Variants in HECW1 observed in about 807,000 individuals in gnomAD.
HECW1 encodes HECT, C2 and WW domain containing E3 ubiquitin protein ligase 1.
In HECW1, 61 loss-of-function variants were observed where a neutral mutation model predicts 182.3. The observed-to-expected ratio is 0.33, with a 90% confidence interval of 0.27 to 0.41. The LOEUF is 0.41. HECW1 is among the 10% of genes least tolerant of loss of function. The pLI is 1.00. For synonymous variants in HECW1, 859 were observed against 832.6 expected (o/e 1.03, Z -0.55); for missense variants, 1,739 against 2,108.9 (o/e 0.82, Z 3.44).
chr7:43,113,036 C>G (rs964200286), intron 1 of HECW1, 99 bp downstream of exon 1: 9 of 187,614 alleles, frequency 4.8e-5, no homozygotes, highest in Non-Finnish European at 7.9e-5. Context: ...GCAGCGCCCT[C>G]CCTTCTCGGG....
chr7:43,525,992 A>T (rs1225562011), intron 24 of HECW1, among the ~76,000 whole-genome samples: 1 of 152,238 alleles, frequency 6.6e-6, no homozygotes, highest in Non-Finnish European at 1.5e-5. Context: ...ATCTAAAGAA[A>T]AATATCATCA....
At chr7:43,457,730 A>G (rs1232042720) in intron 13 of HECW1, among the ~76,000 whole-genome samples, 1 of 151,650 alleles carries the variant, frequency 6.6e-6, no homozygotes, top group Non-Finnish European at 1.5e-5. Context: ...AGCTGACATC[A>G]CACCACTGCA....
intron 2 of HECW1, among the ~76,000 whole-genome samples, chr7:43,130,935 T>G (rs1583618282): frequency 6.6e-6 from 1 of 152,220 alleles, no homozygotes; most frequent in East Asian, 1.9e-4. Context: ...TATGCATTGA[T>G]TCTTTAGTGT....
chr7:43,369,132 G>A (rs192948126), intron 6 of HECW1, among the ~76,000 whole-genome samples: 2 of 152,242 alleles, frequency 1.3e-5, no homozygotes, highest in Non-Finnish European at 2.9e-5. Context: ...TTCTGTCACA[G>A]GAAATATAAA....
intron 2 of HECW1, among the ~76,000 whole-genome samples, chr7:43,128,851 A>G (rs1440227889): frequency 6.6e-6 from 1 of 151,950 alleles, no homozygotes; most frequent in Non-Finnish European, 1.5e-5. Context: ...ACCCTCATGG[A>G]TGATTTTGAA....
chr7:43,547,418 G>A (rs539174822), intron 26 of HECW1, among the ~76,000 whole-genome samples: 4 of 152,138 alleles, frequency 2.6e-5, no homozygotes, highest in African/African-American at 4.8e-5. Context: ...GTGGTGGCAC[G>A]TGCCTGTAAT....
rs111603237 is a variant in HECW1, at chr7:43,166,960, C to T, written c.-32+52569C>T. On this transcript the variant is annotated intron_variant, in intron 2 of 29. Transcript: ENST00000395891. The stretch of plus-strand genomic sequence containing the variant: ...GCCCCAGGGGACTTCACCTCTCAGG[C>T]TGTAGGCAGCCACTGAATGACGCAA... Among the ~76,000 whole-genome samples, 264 of 152,334 alleles carry T rather than the reference C, an allele frequency of 1.7e-3. 1 individual carries two copies. Among genetic ancestry groups the T allele is most frequent in the Non-Finnish European group, 3.4e-3 (232 of 68,028 alleles).
intron 24 of HECW1, among the ~76,000 whole-genome samples, chr7:43,537,087 C>A (rs2081204063): frequency 6.6e-6 from 1 of 152,206 alleles, no homozygotes; most frequent in African/African-American, 2.4e-5. Context: ...TGCTACACCC[C>A]AGGAGCAGGG....
At chr7:43,412,600 C>T in intron 8 of HECW1, among the ~76,000 whole-genome samples, 1 of 116,790 alleles carries the variant, frequency 8.6e-6, no homozygotes, top group Non-Finnish European at 1.7e-5. Context: ...CTATCCCTCC[C>T]CCCTCCCCCC....
chr7:43,496,162 C>T (rs527310854), intron 19 of HECW1, among the ~76,000 whole-genome samples: 1 of 149,622 alleles, frequency 6.7e-6, no homozygotes, highest in African/African-American at 2.5e-5. Context: ...TGAAATCAGG[C>T]CACGTTGGAA....
chr7:43,476,601 T>G (rs1350595009), intron 16 of HECW1, among the ~76,000 whole-genome samples: 1 of 152,094 alleles, frequency 6.6e-6, no homozygotes, highest in Non-Finnish European at 1.5e-5. Flanking sequence ...TGTTAATAAT[T>G]GGAATAGTGC....
intron 24 of HECW1, 90 bp downstream of exon 24, chr7:43,509,211 T>C: frequency 1.5e-6 from 2 of 1,310,594 alleles, no homozygotes; most frequent in Non-Finnish European, 2.1e-6. Flanking sequence ...GCCACTGTGT[T>C]TAGAGCAGTG....
chr7:43,299,761 T>G (rs1249295726), intron 3 of HECW1, among the ~76,000 whole-genome samples: 1 of 152,212 alleles, frequency 6.6e-6, no homozygotes, highest in Admixed American at 6.5e-5. Context: ...TGGACTGAGG[T>G]GATTCCTCCA....
chr7:43,360,788 A>C, intron 5 of HECW1, 98 bp from the exon 6 acceptor site: 1 of 871,572 alleles, frequency 1.1e-6, no homozygotes, highest in East Asian at 2.5e-5. Flanking sequence ...CTCGTGGGGG[A>C]ATTATGTTGC....
intron 2 of HECW1, among the ~76,000 whole-genome samples, chr7:43,120,437 C>T (rs201483667): frequency 1.3e-5 from 2 of 152,202 alleles, no homozygotes; most frequent in Non-Finnish European, 2.9e-5. Flanking sequence ...TATTCTCTGT[C>T]TCCCCTTCTA....
intron 2 of HECW1, among the ~76,000 whole-genome samples, chr7:43,144,546 A>C (rs1788495872): frequency 6.6e-6 from 1 of 152,204 alleles, no homozygotes; most frequent in Non-Finnish European, 1.5e-5. Flanking sequence ...GTATGAACTC[A>C]GGAGTATTTT....
At chr7:43,310,858 A>C (rs949490277) in intron 3 of HECW1, among the ~76,000 whole-genome samples, 8 of 152,160 alleles carry the variant, frequency 5.3e-5, no homozygotes, top group Non-Finnish European at 1.2e-4. Context: ...ATATAGAACA[A>C]CATGAACTTC....
chr7:43,293,841 A>G (rs1047463915), intron 3 of HECW1, among the ~76,000 whole-genome samples: 20 of 152,252 alleles, frequency 1.3e-4, no homozygotes, highest in African/African-American at 4.8e-4. Context: ...ACACAGCAGG[A>G]GGTGAGCAGC....
chr7:43,298,999 A>G (rs1340262118), intron 3 of HECW1, among the ~76,000 whole-genome samples: 1 of 152,250 alleles, frequency 6.6e-6, no homozygotes, highest in Non-Finnish European at 1.5e-5. Context: ...TATCCAGATC[A>G]TTGAGACTTC....
Sources: gnomAD v4.1 joint callset for allele counts (sites outside exome capture counted in the v4.1 genomes callset) on GRCh38, gnomAD v4.1.1 for gene constraint, MANE v1.5 for transcripts, NCBI Gene and HGNC (gene_info 2026-07-23, HGNC 2026-07-21) for gene names.